MTCL2: variants seen among roughly 807,000 people sequenced by gnomAD.
MTCL2 encodes the protein microtubule cross-linking factor 2.
the MTCL2 span, among the ~76,000 whole-genome samples, chr20:36,843,707 G>T: frequency 6.6e-6 from 1 of 152,172 alleles, no homozygotes; most frequent in East Asian, 1.9e-4. Flanking sequence ...ATTATCTCTA[G>T]AAAGTTAAAA....
the MTCL2 span, chr20:36,808,641 T>A: frequency 1.8e-5 from 29 of 1,612,540 alleles, no homozygotes; most frequent in Admixed American, 4.8e-4. Context: ...ACCAGCATGT[T>A]CTTCTCCTGG....
chr20:36,802,001 T>G, the MTCL2 span, among the ~76,000 whole-genome samples: 1 of 150,998 alleles, frequency 6.6e-6, no homozygotes, highest in Non-Finnish European at 1.5e-5. Flanking sequence ...AAAATAAAAG[T>G]AAGGCCGGGC....
chr20:36,791,871 T>A, the MTCL2 span, among the ~76,000 whole-genome samples: 1 of 152,128 alleles, frequency 6.6e-6, no homozygotes, highest in Non-Finnish European at 1.5e-5. Context: ...TACTCTTGGG[T>A]TTTATAAAAC....
the MTCL2 span, among the ~76,000 whole-genome samples, chr20:36,841,752 G>A: frequency 1.3e-5 from 2 of 152,154 alleles, no homozygotes; most frequent in African/African-American, 2.4e-5. Context: ...AGGCTGGAGT[G>A]CGGTGGCAAA....
the MTCL2 span, among the ~76,000 whole-genome samples, chr20:36,838,680 C>T: frequency 1.3e-5 from 2 of 151,482 alleles, no homozygotes; most frequent in African/African-American, 2.4e-5. Context: ...TAAACAGTAG[C>T]TTCTCAGCCA....
chr20:36,797,120 T>A, the MTCL2 span, among the ~76,000 whole-genome samples: 1 of 151,720 alleles, frequency 6.6e-6, no homozygotes, highest in African/African-American at 2.4e-5. Flanking sequence ...TGCATCCAAC[T>A]CCCCCACCAT....
the MTCL2 span, chr20:36,815,190 G>C: frequency 1.9e-6 from 3 of 1,613,718 alleles, no homozygotes; most frequent in Admixed American, 1.7e-5. The surrounding 1 kb of genome is among the most constrained non-coding windows in gnomAD (Gnocchi z 5.3). Context: ...GGAGCCCAAG[G>C]GGGGCAGTGA....
the MTCL2 span, among the ~76,000 whole-genome samples, chr20:36,838,082 C>T: frequency 2.6e-5 from 4 of 151,544 alleles, no homozygotes; most frequent in South Asian, 2.1e-4. Flanking sequence ...GAGTCTCGCT[C>T]TGTCGCCCAG....
At chr20:36,811,164 A>C in the MTCL2 span, among the ~76,000 whole-genome samples, 1 of 152,206 alleles carries the variant, frequency 6.6e-6, no homozygotes, top group South Asian at 2.1e-4. Flanking sequence ...TCTGTTTTGC[A>C]TTAAAAATTT....
the MTCL2 span, among the ~76,000 whole-genome samples, chr20:36,796,703 C>T: frequency 6.6e-6 from 1 of 152,134 alleles, no homozygotes; most frequent in African/African-American, 2.4e-5. Flanking sequence ...CCAGAGAAAC[C>T]ATATCCCGAT....
At chr20:36,810,486 C>T in the MTCL2 span, among the ~76,000 whole-genome samples, 755 of 152,268 alleles carry the variant, frequency 5.0e-3, 2 homozygotes, top group African/African-American at 0.016. Context: ...TGGATCTATA[C>T]ATATGTAACA....
the MTCL2 span, chr20:36,862,896 C>A: frequency 8.0e-7 from 1 of 1,249,130 alleles, no homozygotes; most frequent in Non-Finnish European, 1.0e-6. Context: ...CCCCGCCGGG[C>A]CCCCGGCCGC....
the MTCL2 span, chr20:36,782,586 G>A: frequency 6.6e-6 from 1 of 152,268 alleles, no homozygotes; most frequent in Admixed American, 6.5e-5. Flanking sequence ...CCAGGCTGGA[G>A]TGCAGTGGCG....
chr20:36,802,888 G>T, the MTCL2 span: 1 of 1,576,426 alleles, frequency 6.3e-7, no homozygotes. Context: ...TCCTTCACCT[G>T]CTGCTCCACC....
the MTCL2 span, chr20:36,828,864 C>T: frequency 1.6e-6 from 1 of 616,664 alleles, no homozygotes. Flanking sequence ...ACCTTAGTGT[C>T]CAGCACACAA....
At chr20:36,804,019 G>C in the MTCL2 span, among the ~76,000 whole-genome samples, 1 of 151,330 alleles carries the variant, frequency 6.6e-6, no homozygotes, top group African/African-American at 2.4e-5. Context: ...AGGGGTTAGA[G>C]GTTTGGGGGA....
At chr20:36,784,476 G>A in the MTCL2 span, 8 of 985,626 alleles carry the variant, frequency 8.1e-6, no homozygotes, top group Non-Finnish European at 9.6e-6. Flanking sequence ...AGTCCTGGGG[G>A]CAGATCAGCA....
chr20:36,793,070 A>G, the MTCL2 span: 8 of 752,890 alleles, frequency 1.1e-5, no homozygotes, highest in Non-Finnish European at 1.6e-5. The surrounding 1 kb of genome is among the most constrained non-coding windows in gnomAD (Gnocchi z 6.8). Flanking sequence ...ACGCCTGGCC[A>G]ATTTTTGTAT....
the MTCL2 span, chr20:36,812,719 A>G: frequency 3.7e-6 from 6 of 1,614,004 alleles, no homozygotes; most frequent in Admixed American, 1.0e-4. Flanking sequence ...AGGCATAGGA[A>G]TCATTGTCTT....
Sources: gnomAD v4.1 joint callset for allele counts (sites outside exome capture counted in the v4.1 genomes callset) on GRCh38, gnomAD v4.1.1 for gene constraint, Gnocchi (gnomAD v3.1) non-coding constraint, MANE v1.5 for transcripts, NCBI Gene and HGNC (gene_info 2026-07-23, HGNC 2026-07-21) for gene names.